Variants in PRKCB observed in about 807,000 individuals in gnomAD.
The protein encoded by PRKCB is protein kinase C beta type.
Under a neutral mutation model 81.5 loss-of-function variants are expected in PRKCB, and 13 were observed. The observed-to-expected ratio is 0.16, with a 90% confidence interval of 0.10 to 0.25. The LOEUF is 0.25. Among genes scored for constraint, PRKCB ranks in the 10% least tolerant of loss-of-function variants. The probability of loss-of-function intolerance (pLI) is 1.00; values close to 1 mark genes in which losing one functional copy is unlikely to be tolerated. For missense variants in PRKCB, 509 were observed against 875.7 expected (o/e 0.58, Z 5.29); for synonymous variants, 335 against 321.4 (o/e 1.04, Z -0.45).
At chr16:24,193,020 C>T (rs1386878351) in intron 16 of PRKCB, among the ~76,000 whole-genome samples, 3 of 151,898 alleles carry the variant, frequency 2.0e-5, no homozygotes, top group African/African-American at 4.8e-5. Flanking sequence ...AGTGCAGTAG[C>T]GCGATCATAG....
intron 5 of PRKCB, among the ~76,000 whole-genome samples, chr16:24,086,834 T>G (rs1567369450): frequency 6.6e-6 from 1 of 152,230 alleles, no homozygotes; most frequent in Non-Finnish European, 1.5e-5. Flanking sequence ...ATATTTACAT[T>G]CATATATGAC....
intron 9 of PRKCB, among the ~76,000 whole-genome samples, chr16:24,151,519 A>G (rs1967079553): frequency 6.6e-6 from 1 of 152,222 alleles, no homozygotes. Context: ...GAGCTACAGT[A>G]ACTGACATAG....
At chr16:23,842,807 CAA>C (rs756571879) in intron 2 of PRKCB, among the ~76,000 whole-genome samples, 11 of 151,960 alleles carry the variant, frequency 7.2e-5, no homozygotes, top group African/African-American at 2.2e-4. Context: ...CCTATCAAAT[CAA>C]AGTTTATTTT....
At chr16:24,213,950 C>T (rs1968184477) in intron 16 of PRKCB, among the ~76,000 whole-genome samples, 1 of 152,186 alleles carries the variant, frequency 6.6e-6, no homozygotes, top group African/African-American at 2.4e-5. Flanking sequence ...TTTGTATTTC[C>T]TCCCACATCC....
At chr16:24,174,675 C>T (rs1427164494) in intron 12 of PRKCB, 95 bp downstream of exon 12, 20 of 1,209,098 alleles carry the variant, frequency 1.7e-5, no homozygotes, top group East Asian at 4.7e-5. Flanking sequence ...TTAGAATCCG[C>T]GGTGGGGGAG....
chr16:24,038,436 G>A (rs561102626), intron 5 of PRKCB, among the ~76,000 whole-genome samples: 4 of 152,348 alleles, frequency 2.6e-5, no homozygotes, highest in East Asian at 3.9e-4. Context: ...CACACCATTC[G>A]GGAAAGGGCA....
chr16:24,069,873 G>A (rs1013831767), intron 5 of PRKCB, among the ~76,000 whole-genome samples: 3 of 152,198 alleles, frequency 2.0e-5, no homozygotes, highest in Non-Finnish European at 2.9e-5. Flanking sequence ...TGGGCTGGAG[G>A]TCTTAAGATT....
At chr16:24,123,389 A>T (rs1966824838) in intron 8 of PRKCB, among the ~76,000 whole-genome samples, 1 of 152,146 alleles carries the variant, frequency 6.6e-6, no homozygotes. Flanking sequence ...TAAACACACA[A>T]GTCCATGAAA....
intron 2 of PRKCB, among the ~76,000 whole-genome samples, chr16:23,941,849 G>A (rs555514704): frequency 6.6e-6 from 1 of 152,152 alleles, no homozygotes; most frequent in Non-Finnish European, 1.5e-5. Context: ...ATGAAAGATG[G>A]TTGATAGCAA....
chr16:23,900,629 C>A (rs1567307101), intron 2 of PRKCB, among the ~76,000 whole-genome samples: 3 of 147,304 alleles, frequency 2.0e-5, no homozygotes, highest in South Asian at 4.3e-4. Flanking sequence ...TCCTTGTTGC[C>A]TTTTTTTTTC....
At chr16:24,174,399 C>A in intron 11 of PRKCB, 119 bp from the exon 12 acceptor site, 1 of 857,374 alleles carries the variant, frequency 1.2e-6, no homozygotes, top group Non-Finnish European at 1.8e-6. Context: ...ATATAGCTGA[C>A]CATCCATGGG....
At chr16:24,023,633 G>C (rs1965438006) in intron 3 of PRKCB, among the ~76,000 whole-genome samples, 2 of 152,164 alleles carry the variant, frequency 1.3e-5, no homozygotes, top group African/African-American at 4.8e-5. Context: ...CTCCCAAAGT[G>C]CTGGGATTAC....
chr16:24,088,753 G>A (rs1214501612), intron 5 of PRKCB, among the ~76,000 whole-genome samples: 3 of 149,912 alleles, frequency 2.0e-5, no homozygotes, highest in African/African-American at 4.9e-5. Flanking sequence ...CTTAAACCAC[G>A]AGTCTTGAGA....
At chr16:24,151,145 CTCTT>C (rs1310259806) in intron 9 of PRKCB, among the ~76,000 whole-genome samples, 6 of 152,270 alleles carry the variant, frequency 3.9e-5, no homozygotes, top group African/African-American at 9.6e-5. Context: ...TCTCCTTTTA[CTCTT>C]TCTAATTACT....
At chr16:23,940,177 GA>G (rs1485958423) in intron 2 of PRKCB, among the ~76,000 whole-genome samples, 1 of 152,004 alleles carries the variant, frequency 6.6e-6, no homozygotes, top group Non-Finnish European at 1.5e-5. Flanking sequence ...TGTCAAAAAT[GA>G]AAAATAATGG....
chr16:23,869,161 A>T, intron 2 of PRKCB: 1 of 453,200 alleles, frequency 2.2e-6, no homozygotes, highest in South Asian at 1.6e-5. Flanking sequence ...GGCCAATGGA[A>T]CGTGAGCAGA....
chr16:24,151,743 C>T (rs183885090), intron 9 of PRKCB: 19 of 452,712 alleles, frequency 4.2e-5, no homozygotes, highest in African/African-American at 3.2e-4. Context: ...TCAAGAGCCA[C>T]TGAAGGGCTT....
rs543175309 is a variant in PRKCB at position 23,908,539 on chromosome 16, C to CT, written c.205+71142dup. 4.5e-4 allele frequency among the ~76,000 whole-genome samples: 68 copies of CT among 151,360 alleles called. No homozygotes were observed. The East Asian group carries it at 7.8e-3, about 17-fold the overall frequency. ...TAAGATTTGGGCTTTCCCTTTATTT[C>CT]TTTTTTTTTGAGACGGATTCTCGCT... On this transcript the variant is annotated intron_variant, in intron 2 of 16. Coordinates refer to ENST00000643927, the MANE Select transcript of PRKCB (RefSeq NM_002738.7).
At chr16:24,070,469 G>A (rs890512726) in intron 5 of PRKCB, among the ~76,000 whole-genome samples, 8 of 152,076 alleles carry the variant, frequency 5.3e-5, no homozygotes, top group African/African-American at 1.7e-4. Context: ...GGAATTTAAT[G>A]ACATTTAAAA....
Sources: gnomAD v4.1 joint callset for allele counts (sites outside exome capture counted in the v4.1 genomes callset) on GRCh38, gnomAD v4.1.1 for gene constraint, MANE v1.5 for transcripts, NCBI Gene and HGNC (gene_info 2026-07-23, HGNC 2026-07-21) for gene names.